ATG5: variants seen among roughly 807,000 people sequenced by gnomAD.
ATG5 encodes autophagy related 5, also known as autophagy protein 5.
A neutral mutation model predicts 36.5 loss-of-function variants in ATG5; 14 were observed. The ratio of observed to expected loss-of-function variants is 0.38; its 90% CI spans 0.25 to 0.60. The LOEUF is 0.60. Among genes scored for constraint, ATG5 ranks in the 20% least tolerant of loss-of-function variants. The pLI is 0.60. For synonymous variants in ATG5, 95 were observed against 101.5 expected, an observed-to-expected ratio of 0.94 and a Z score of 0.38; for missense variants, 195 against 326.7, an observed-to-expected ratio of 0.60 and a Z score of 3.11.
At chr6:106,231,182 A>C (rs1320270889) in intron 6 of ATG5, among the ~76,000 whole-genome samples, 1 of 152,232 alleles carries the variant, frequency 6.6e-6, no homozygotes, top group Non-Finnish European at 1.5e-5. Flanking sequence ...CTCAGACTTT[A>C]AATTAAAATA....
chr6:106,192,459 T>C (rs1244947442), intron 7 of ATG5, among the ~76,000 whole-genome samples: 1 of 152,136 alleles, frequency 6.6e-6, no homozygotes, highest in Non-Finnish European at 1.5e-5. Context: ...TAAAAACAGG[T>C]GACTTGAGAT....
At chr6:106,225,457 T>G (rs1026622644) in intron 6 of ATG5, among the ~76,000 whole-genome samples, 5 of 150,748 alleles carry the variant, frequency 3.3e-5, no homozygotes, top group African/African-American at 1.2e-4. Context: ...TTATATTTTA[T>G]AAATAATTAG....
At chr6:106,270,914 T>C (rs1359248711) in intron 5 of ATG5, among the ~76,000 whole-genome samples, 1 of 152,122 alleles carries the variant, frequency 6.6e-6, no homozygotes, top group Non-Finnish European at 1.5e-5. Flanking sequence ...CCAATCTACC[T>C]CTAAAATAAG....
At chr6:106,239,871 T>C (rs1357314323) in intron 6 of ATG5, among the ~76,000 whole-genome samples, 1 of 152,264 alleles carries the variant, frequency 6.6e-6, no homozygotes, top group Non-Finnish European at 1.5e-5. Flanking sequence ...GAGACCATCT[T>C]GTCTACAAAG....
At chr6:106,210,189 G>T (rs1447443315) in intron 6 of ATG5, among the ~76,000 whole-genome samples, 1 of 152,178 alleles carries the variant, frequency 6.6e-6, no homozygotes, top group Non-Finnish European at 1.5e-5. Context: ...TCAAGACTCA[G>T]GTAGCAGGAA....
At chr6:106,189,816 G>C (rs1056516497) in intron 7 of ATG5, among the ~76,000 whole-genome samples, 2 of 151,996 alleles carry the variant, frequency 1.3e-5, no homozygotes, top group African/African-American at 2.4e-5. Context: ...TGACTCAGGA[G>C]AAAAATGTTA....
intron 6 of ATG5, among the ~76,000 whole-genome samples, chr6:106,241,950 G>C (rs1050395771): frequency 6.6e-6 from 1 of 151,780 alleles, no homozygotes; most frequent in South Asian, 2.1e-4. Context: ...CCACCACCAT[G>C]ATGGTTCTGT....
chr6:106,315,795 C>T (rs961927617), intron 2 of ATG5, among the ~76,000 whole-genome samples: 1 of 151,994 alleles, frequency 6.6e-6, no homozygotes, highest in Admixed American at 6.6e-5. Context: ...TGAATATATG[C>T]ATAAGAAAAA....
chr6:106,301,400 G>A (rs1353787876), intron 3 of ATG5, among the ~76,000 whole-genome samples: 2 of 151,790 alleles, frequency 1.3e-5, no homozygotes, highest in Non-Finnish European at 2.9e-5. Flanking sequence ...AGATAAGATG[G>A]GAGAAAAATT....
At chr6:106,191,942 ATT>A (rs1350720939) in intron 7 of ATG5, among the ~76,000 whole-genome samples, 3 of 152,190 alleles carry the variant, frequency 2.0e-5, no homozygotes, top group African/African-American at 7.2e-5. Context: ...GGCTGTAAGA[ATT>A]TGGCCTCATG....
At chr6:106,246,430 A>ACC (rs1562234627) in intron 6 of ATG5, among the ~76,000 whole-genome samples, 52 of 130,660 alleles carry the variant, frequency 4.0e-4, no homozygotes, top group African/African-American at 1.4e-3. Context: ...ACACACACAC[A>ACC]CCCTTTCTCT....
intron 4 of ATG5, among the ~76,000 whole-genome samples, chr6:106,287,789 AT>A (rs563991781): frequency 6.8e-4 from 103 of 152,204 alleles, no homozygotes; most frequent in Non-Finnish European, 1.0e-3. Context: ...GAGAGAAAAA[AT>A]TTTTTTAATT....
chr6:106,208,375 C>T (rs929498191), intron 6 of ATG5, among the ~76,000 whole-genome samples: 1 of 151,222 alleles, frequency 6.6e-6, no homozygotes, highest in African/African-American at 2.4e-5. Context: ...CATACCATCA[C>T]CAGGGCCACT....
intron 1 of ATG5, among the ~76,000 whole-genome samples, chr6:106,317,994 A>G (rs910761013): frequency 1.3e-5 from 2 of 152,214 alleles, no homozygotes; most frequent in African/African-American, 4.8e-5. Flanking sequence ...TCACCTTTTG[A>G]TGATGAAGAG....
chr6:106,294,857 A>G (rs1780475445), intron 3 of ATG5, among the ~76,000 whole-genome samples: 1 of 151,622 alleles, frequency 6.6e-6, no homozygotes, highest in Admixed American at 6.6e-5. Context: ...AAAAAAAAAA[A>G]AAAAGAATTT....
chr6:106,201,054 T>A (rs1776409613), intron 7 of ATG5, among the ~76,000 whole-genome samples: 1 of 152,232 alleles, frequency 6.6e-6, no homozygotes, highest in Non-Finnish European at 1.5e-5. Context: ...AGATTACTTG[T>A]AATATTTAAT....
At chr6:106,225,997 G>A (rs79322379) in intron 6 of ATG5, among the ~76,000 whole-genome samples, 511 of 152,276 alleles carry the variant, frequency 3.4e-3, no homozygotes, top group African/African-American at 0.011. Context: ...CTGTGTACAC[G>A]CTCAAAAAAC....
At chr6:106,208,880 A>T (rs1776744326) in intron 6 of ATG5, among the ~76,000 whole-genome samples, 1 of 152,228 alleles carries the variant, frequency 6.6e-6, no homozygotes, top group Admixed American at 6.5e-5. Context: ...ATGAACAGAC[A>T]TTTTACCAAA....
intron 2 of ATG5, among the ~76,000 whole-genome samples, chr6:106,313,059 A>G (rs1338819221): frequency 1.3e-5 from 2 of 152,168 alleles, no homozygotes; most frequent in Non-Finnish European, 2.9e-5. Context: ...AGAAGTTGAA[A>G]GTAAAATAAA....
Sources: allele counts gnomAD v4.1 joint callset (sites outside exome capture counted in the v4.1 genomes callset), GRCh38; gene constraint gnomAD v4.1.1; transcripts MANE v1.5; gene names NCBI Gene and HGNC (gene_info 2026-07-23, HGNC 2026-07-21).